SAXO1: variants seen among roughly 807,000 people sequenced by gnomAD.
The protein encoded by SAXO1 is stabilizer of axonemal microtubules 1, also known as 4930500O09Rik.
In SAXO1, 21 loss-of-function variants were observed where a neutral mutation model predicts 17.5. The observed-to-expected ratio is 1.20, with a 90% CI of 0.85 to 1.72. SAXO1 has a LOEUF of 1.72. Ranked by LOEUF, SAXO1 falls within the 40% of genes most tolerant of loss-of-function variation. The probability of loss-of-function intolerance (pLI) is 0.00; values close to 1 mark genes in which losing one functional copy is unlikely to be tolerated. For missense variants in SAXO1, 843 were observed against 596.0 expected (o/e 1.41, Z -4.32); for synonymous variants, 274 against 216.5 (o/e 1.27, Z -2.33).
At position 19,032,910 on chromosome 9, in the gene SAXO1, G is replaced by C; in HGVS notation, c.-2C>G. 2 of 1,608,946 alleles carry C rather than the reference G, an allele frequency of 1.2e-6. No homozygotes were observed. On this transcript the variant is annotated 5_prime_UTR_variant, in exon 1 of 4. Transcript: ENST00000380534. Reference sequence around the variant, plus strand: ...TTCACAGATGCACTTCGTCTTCATAGGGGCGATCCTGAGGCCCTGACGTCC... The same window carrying C: ...TTCACAGATGCACTTCGTCTTCATACGGGCGATCCTGAGGCCCTGACGTCC...
intron 3 of SAXO1, among the ~76,000 whole-genome samples, chr9:18,940,476 C>A (rs899921716): frequency 1.3e-5 from 2 of 152,210 alleles, no homozygotes; most frequent in African/African-American, 4.8e-5. Context: ...AGCACAGGGT[C>A]CTCCAGGATG....
intron 2 of SAXO1, among the ~76,000 whole-genome samples, chr9:18,943,273 T>C (rs1393512000): frequency 6.6e-6 from 1 of 152,222 alleles, no homozygotes; most frequent in East Asian, 1.9e-4. Flanking sequence ...AAATATATCT[T>C]AGCGGCAGTT....
At chr9:19,004,243 G>A (rs961299066) in intron 1 of SAXO1, among the ~76,000 whole-genome samples, 8 of 152,218 alleles carry the variant, frequency 5.3e-5, no homozygotes, top group East Asian at 3.8e-4. Context: ...AACAGTTGCT[G>A]GAGAGGATGT....
intron 1 of SAXO1, among the ~76,000 whole-genome samples, chr9:18,969,140 TTAAG>T (rs776388561): frequency 2.6e-5 from 4 of 152,160 alleles, no homozygotes; most frequent in Admixed American, 6.5e-5. Context: ...GCGTATCTGC[TTAAG>T]TAAGAGCTTC....
chr9:19,025,178 C>T (rs912369635), intron 1 of SAXO1, among the ~76,000 whole-genome samples: 2 of 152,074 alleles, frequency 1.3e-5, no homozygotes, highest in African/African-American at 2.4e-5. Context: ...TCAATCTTAA[C>T]GTGAAAGTTT....
At chr9:18,997,181 C>A (rs1334130230) in intron 1 of SAXO1, among the ~76,000 whole-genome samples, 1 of 152,234 alleles carries the variant, frequency 6.6e-6, no homozygotes, top group Non-Finnish European at 1.5e-5. Flanking sequence ...GGGGATTTCC[C>A]TTTCCTAACC....
At chr9:19,019,471 G>A (rs986534346) in intron 1 of SAXO1, among the ~76,000 whole-genome samples, 4 of 152,138 alleles carry the variant, frequency 2.6e-5, no homozygotes, top group Non-Finnish European at 4.4e-5. Flanking sequence ...GCTCACACCT[G>A]TAATCCAGGC....
Position 18,928,430 on chromosome 9 carries a change from G to A in SAXO1, c.1047C>T (p.Ser349=), listed in dbSNP as rs139289465. Residue 349 remains serine (S), a synonymous_variant, in exon 4 of 4, where the codon AGC becomes AGT. Transcript: ENST00000380534. ...CGGGCTTGACTGGCTCTGTGCGCATGCTGGACCACTGCTTGTAGTCATCCT... is the reference window on the plus strand; with the variant it reads ...CGGGCTTGACTGGCTCTGTGCGCATACTGGACCACTGCTTGTAGTCATCCT... ...TTKDDYKQWS[S]MRTEPVKPVP... The A allele has an allele frequency of 2.7e-5, 43 of 1,609,096 alleles. No homozygotes were observed. The African/African-American group carries it at 5.3e-4, about 20-fold the overall frequency.
intron 1 of SAXO1, among the ~76,000 whole-genome samples, chr9:19,046,411 G>A (rs1323050040): frequency 1.3e-5 from 2 of 152,002 alleles, no homozygotes; most frequent in Non-Finnish European, 2.9e-5. Flanking sequence ...TAAAAATTAG[G>A]CAGGCCAGGT....
intron 1 of SAXO1, among the ~76,000 whole-genome samples, chr9:19,018,022 G>A (rs953071675): frequency 1.3e-5 from 2 of 152,012 alleles, no homozygotes; most frequent in Non-Finnish European, 2.9e-5. Context: ...ACAAAAATTA[G>A]TCGGGTGTGG....
chr9:18,935,239 G>A (rs1442978015), intron 3 of SAXO1, among the ~76,000 whole-genome samples: 1 of 152,202 alleles, frequency 6.6e-6, no homozygotes, highest in Non-Finnish European at 1.5e-5. Flanking sequence ...TGTCAGCATA[G>A]TTTAGTGGTC....
intron 3 of SAXO1, among the ~76,000 whole-genome samples, chr9:18,933,071 G>A (rs1025244861): frequency 6.6e-6 from 1 of 152,202 alleles, no homozygotes; most frequent in Non-Finnish European, 1.5e-5. Context: ...AATATTGAGT[G>A]GAAGTGGTGA....
At position 19,039,608 on chromosome 9, in the gene SAXO1, A is replaced by C. The variant is rs75761961; in HGVS notation, c.-158+9601T>G. Among the ~76,000 whole-genome samples the C allele has an allele frequency of 4.9e-4, 75 of 152,368 alleles. No homozygotes were observed. The East Asian group carries it at 0.013, about 27-fold the overall frequency. ...ATGGTTTGAAGAAATCAAGTGATAA[A>C]GGAGTATGCTGAATATGCAATAATT... On this transcript the variant is annotated intron_variant, in intron 1 of 3. Transcript: ENST00000542071.
intron 3 of SAXO1, among the ~76,000 whole-genome samples, chr9:18,940,993 T>G (rs1831528869): frequency 6.6e-6 from 1 of 152,260 alleles, no homozygotes; most frequent in Admixed American, 6.5e-5. Flanking sequence ...GTAGTAATGT[T>G]TTATCTCTTG....
At chr9:18,941,396 T>C (rs562703733) in intron 3 of SAXO1, among the ~76,000 whole-genome samples, 11 of 152,370 alleles carry the variant, frequency 7.2e-5, no homozygotes, top group African/African-American at 2.6e-4. Flanking sequence ...TTTTCAATTT[T>C]ATATCATTTT....
At chr9:18,982,044 C>T (rs1833409031) in intron 1 of SAXO1, among the ~76,000 whole-genome samples, 1 of 152,110 alleles carries the variant, frequency 6.6e-6, no homozygotes, top group Non-Finnish European at 1.5e-5. Flanking sequence ...GTACCCTTGA[C>T]AGCCCCTCAC....
chr9:19,006,265 T>C (rs1019759096), intron 1 of SAXO1, among the ~76,000 whole-genome samples: 1 of 152,218 alleles, frequency 6.6e-6, no homozygotes, highest in Non-Finnish European at 1.5e-5. Context: ...CAATTCGACT[T>C]TCAGGTATGT....
intron 1 of SAXO1, among the ~76,000 whole-genome samples, chr9:18,951,785 C>G (rs949656807): frequency 1.3e-5 from 2 of 152,218 alleles, no homozygotes; most frequent in East Asian, 3.9e-4. Flanking sequence ...CACTGCTACA[C>G]TGTACGTGTA....
chr9:19,035,577 G>A (rs1171932818), upstream of SAXO1, among the ~76,000 whole-genome samples: 1 of 152,202 alleles, frequency 6.6e-6, no homozygotes, highest in Non-Finnish European at 1.5e-5. Context: ...GCAGAGGTTG[G>A]AACAGTTTGG....
Sources: gnomAD v4.1 joint callset for allele counts (sites outside exome capture counted in the v4.1 genomes callset) on GRCh38, gnomAD v4.1.1 for gene constraint, MANE v1.5 for transcripts, NCBI Gene and HGNC (gene_info 2026-07-23, HGNC 2026-07-21) for gene names.